Variants in ZNF488 observed in about 807,000 individuals in gnomAD.
ZNF488 encodes the protein zinc finger protein 488.
Under a neutral mutation model 1.2 loss-of-function variants are expected in ZNF488, and 1 was observed. The observed-to-expected ratio is 0.86, with a 90% CI of 0.30 to 4.07. ZNF488 has a LOEUF of 4.07. ZNF488 is among the 30% of genes most tolerant of loss of function. The pLI, the probability that ZNF488 is intolerant of heterozygous loss-of-function variation, is 0.18. For missense variants in ZNF488, 450 were observed against 437.9 expected, an observed-to-expected ratio of 1.03 and a Z score of -0.25; for synonymous variants, 185 against 190.1, an observed-to-expected ratio of 0.97 and a Z score of 0.22.
chr10:47,367,558 G>A lies in ZNF488; in HGVS notation c.*249C>T. On this transcript the variant is annotated 3_prime_UTR_variant, in exon 2 of 2. Transcript: ENST00000585316. ...ATGATGTGTGCCAGGAGTTGCCCCT[G>A]CTCTCTGTGCCTGTTAGGGCCTCTA... 1 of 551,766 alleles carries A rather than the reference G, an allele frequency of 1.8e-6. No individual in the cohort carries two copies. Among genetic ancestry groups the A allele is most frequent in the Non-Finnish European group, 3.3e-6 (1 of 307,580 alleles). The allele number at this position is 551,766 out of a possible 1,614,324, so 34.2% of individuals were successfully genotyped here. A position where few individuals can be genotyped will look rare whatever the true frequency, so the allele number is the denominator to read the frequency against.
chr10:47,377,753 C>T (rs985118646), intron 1 of ZNF488, among the ~76,000 whole-genome samples: 4 of 151,818 alleles, frequency 2.6e-5, no homozygotes, highest in African/African-American at 9.7e-5. Flanking sequence ...CAGCCCTGCC[C>T]CTGCACCTGT....
At chr10:47,383,898 A>C (rs1465823633) in intron 1 of ZNF488, among the ~76,000 whole-genome samples, 1 of 152,106 alleles carries the variant, frequency 6.6e-6, no homozygotes, top group Non-Finnish European at 1.5e-5. Context: ...GAGAGGGAGA[A>C]GGTAGGGGAG....
In ZNF488 at chr10:47,367,852, G is replaced by C. The variant is rs181686195; in HGVS notation, c.978C>G (p.Phe326Leu). The C allele has an allele frequency of 9.3e-6, 15 of 1,613,656 alleles. No homozygotes were observed. Among genetic ancestry groups the C allele is most frequent in the Non-Finnish European group, 1.2e-5 (14 of 1,179,960 alleles). Residue 326 changes from phenylalanine to leucine, a missense_variant, in exon 2 of 2, where the codon TTC (phenylalanine) becomes TTG (leucine). By Grantham distance (22) the Phe-to-Leu change is conservative. Coordinates refer to ENST00000585316, the MANE Select transcript of ZNF488 (RefSeq NM_153034.4). ...GCCGGGAGAGGTGGTGGCGCTCCCGGAAGTGCTCCTGGCACACAGGGCAGG... is the reference window on the plus strand; with the variant it reads ...GCCGGGAGAGGTGGTGGCGCTCCCGCAAGTGCTCCTGGCACACAGGGCAGG... ...ALACPVCQEH[F>L]RERHHLSRHM...
chr10:47,379,921 C>T (rs1274074742), intron 1 of ZNF488, among the ~76,000 whole-genome samples: 3 of 151,574 alleles, frequency 2.0e-5, no homozygotes, highest in Admixed American at 6.6e-5. Context: ...CTACGTGGCT[C>T]CTGCTTTCCT....
Position 47,366,691 on chromosome 10 carries a change from A to T in ZNF488, c.*1116T>A, listed in dbSNP as rs770713389. The T allele has an allele frequency of 3.3e-4, 55 of 167,100 alleles. No homozygotes were observed. Among genetic ancestry groups the T allele is most frequent in the Non-Finnish European group, 3.5e-4 (24 of 68,136 alleles). The allele number at this position is 167,100 out of a possible 1,614,324, so 10.4% of individuals were successfully genotyped here. ...AACAAGGGCTGATGCGGGTACCTAC[A>T]ACAGCTACTGACCGAAACGCAGTAG... On this transcript the variant is annotated 3_prime_UTR_variant, in exon 2 of 2. Transcript: ENST00000585316.
At chr10:47,377,627 CACACACACACAT>C (rs1182601909) in intron 1 of ZNF488, among the ~76,000 whole-genome samples, 6 of 150,166 alleles carry the variant, frequency 4.0e-5, no homozygotes, top group African/African-American at 1.2e-4. Context: ...CACACACACA[CACACACACACAT>C]GGCTGCCACC....
At chr10:47,380,124 G>A (rs1441061681) in intron 1 of ZNF488, among the ~76,000 whole-genome samples, 2 of 152,276 alleles carry the variant, frequency 1.3e-5, no homozygotes, top group African/African-American at 4.8e-5. Context: ...GCTCTCCTCA[G>A]TAGGTTCAGT....
intron 1 of ZNF488, among the ~76,000 whole-genome samples, chr10:47,378,908 G>A (rs909983982): frequency 8.5e-5 from 13 of 152,172 alleles, no homozygotes; most frequent in South Asian, 2.1e-4. Context: ...GGTGCCTGAC[G>A]TCAGAGGTGA....
At chr10:47,369,024 G>T in intron 1 of ZNF488, 87 bp from the exon 2 acceptor site, 1 of 618,062 alleles carries the variant, frequency 1.6e-6, no homozygotes, top group Non-Finnish European at 2.7e-6. Context: ...ACAGGACCCT[G>T]ATGCTCAGGC....
At chr10:47,375,460 A>G (rs1837645807) in intron 1 of ZNF488, among the ~76,000 whole-genome samples, 1 of 152,220 alleles carries the variant, frequency 6.6e-6, no homozygotes, top group Non-Finnish European at 1.5e-5. Flanking sequence ...GCTATAAATC[A>G]AGGCTTGATT....
In ZNF488 at chr10:47,367,938, G is replaced by A. The variant is rs1555213070; in HGVS notation, c.892C>T (p.His298Tyr). Reference sequence around the variant, plus strand: ...TCAGGCCCCGCATGCTCCTTTTTGTGGTGGGATCGCATGTGAAAGACCAGG... The same window carrying A: ...TCAGGCCCCGCATGCTCCTTTTTGTAGTGGGATCGCATGTGAAAGACCAGG... The part of the protein sequence containing the change: ...SDLVFHMRSH[H>Y]KKEHAGPDPH... The change falls in exon 2 of 2, where the codon CAC (histidine) becomes TAC (tyrosine). Residue 298 changes from histidine (H) to tyrosine (Y), a missense_variant. Physicochemically the swap from His to Tyr is moderately conservative, Grantham distance 83 (BLOSUM62 2). Coordinates refer to ENST00000585316, the MANE Select transcript of ZNF488 (RefSeq NM_153034.4). The A allele has an allele frequency of 6.2e-7, 1 of 1,614,134 alleles. No homozygotes were observed. Among genetic ancestry groups the A allele is most frequent in the South Asian group, 1.1e-5 (1 of 91,086 alleles).
chr10:47,382,355 G>C (rs797037605), intron 1 of ZNF488, among the ~76,000 whole-genome samples: 1 of 119,856 alleles, frequency 8.3e-6, no homozygotes, highest in African/African-American at 3.3e-5. Flanking sequence ...CATCATCTAA[G>C]GATAAAAAGA....
intron 1 of ZNF488, among the ~76,000 whole-genome samples, chr10:47,379,489 T>C (rs1162074354): frequency 6.6e-6 from 1 of 151,838 alleles, no homozygotes; most frequent in Non-Finnish European, 1.5e-5. Flanking sequence ...AGGAACTAGC[T>C]GGGGACCTTT....
intron 1 of ZNF488, among the ~76,000 whole-genome samples, chr10:47,370,244 C>T (rs962514842): frequency 5.3e-5 from 8 of 152,254 alleles, no homozygotes; most frequent in South Asian, 2.1e-4. Context: ...ATAGCTCAGG[C>T]GCAGGTGGGG....
chr10:47,372,712 G>T (rs1193001435), intron 1 of ZNF488, among the ~76,000 whole-genome samples: 5 of 152,222 alleles, frequency 3.3e-5, no homozygotes, highest in African/African-American at 1.2e-4. Flanking sequence ...AGGGGTCACA[G>T]GCAGGGGAAA....
chr10:47,367,688 G>T lies in ZNF488; in HGVS notation c.*119C>A. ...AATTATGCCTGAGCTGTTTATCTAT[G>T]AATGCCAAAAGCAGCAGCTCTGCAA... is the stretch of plus-strand genomic sequence containing the variant. On this transcript the variant is annotated 3_prime_UTR_variant, in exon 2 of 2. Transcript: ENST00000585316. 1 of 1,173,174 alleles carries T rather than the reference G, an allele frequency of 8.5e-7. No individual in the cohort carries two copies. The allele number at this position is 1,173,174 out of a possible 1,614,324, so 72.7% of individuals were successfully genotyped here.
rs563875056 is a variant in ZNF488, at chr10:47,369,612, C to G, written c.-108-675G>C. On this transcript the variant is annotated intron_variant, in intron 1 of 1. Coordinates refer to ENST00000585316, the MANE Select transcript of ZNF488 (RefSeq NM_153034.4). ...ACATCACATGCCCTGTCAGCTTCTG[C>G]GCGGTCTCTGATTTTCTCAGAGCCA... Among the ~76,000 whole-genome samples the G allele has an allele frequency of 6.6e-5, 10 of 152,290 alleles. No homozygotes were observed. The East Asian group carries it at 1.9e-3, about 29-fold the overall frequency.
chr10:47,368,760 C>G lies in ZNF488; in HGVS notation c.70G>C (p.Ala24Pro), dbSNP rs1555213440. 6.2e-7 allele frequency: 1 copy of G among 1,612,924 alleles called. No homozygotes were observed. Among genetic ancestry groups the G allele is most frequent in the East Asian group, 2.2e-5 (1 of 44,880 alleles). The change falls in exon 2 of 2, where the codon GCC becomes CCC. Residue 24 changes from alanine (A) to proline (P), a missense_variant. Transcript: ENST00000585316. The part of the protein sequence containing the change: ...LVITMAAGKG[A>P]PLSPSAENRW... ...TTTTCAGCCGATGGGCTCAACGGGG[C>G]TCCCTTCCCAGCTGCCATGGTGATC...
At chr10:47,374,279 T>TA (rs1434854731) in intron 1 of ZNF488, among the ~76,000 whole-genome samples, 1 of 152,188 alleles carries the variant, frequency 6.6e-6, no homozygotes. Flanking sequence ...TTTGACAAGC[T>TA]AAAGGGCAAA....
Sources: gnomAD v4.1 joint callset for allele counts (sites outside exome capture counted in the v4.1 genomes callset) on GRCh38, gnomAD v4.1.1 for gene constraint, MANE v1.5 for transcripts, NCBI Gene and HGNC (gene_info 2026-07-23, HGNC 2026-07-21) for gene names.